Variants in XIRP2 observed in about 807,000 individuals in gnomAD.
XIRP2 encodes xin actin binding repeat containing 2.
Under a neutral mutation model 277.0 loss-of-function variants are expected in XIRP2, and 236 were observed. That is an observed-to-expected ratio of 0.85 (90% CI 0.77 to 0.95). XIRP2 has a LOEUF of 0.95. Among genes scored for constraint, XIRP2 ranks in the 40% least tolerant of loss-of-function variants. The pLI is 0.00. For synonymous variants in XIRP2, 1,490 were observed against 1,416.5 expected (o/e 1.05, Z -1.17); for missense variants, 4,640 against 4,157.5 (o/e 1.12, Z -3.19).
chr2:167,009,238 A>G (rs1479978845), intron 2 of XIRP2, among the ~76,000 whole-genome samples: 1 of 106,946 alleles, frequency 9.4e-6, no homozygotes, highest in South Asian at 3.3e-4. Flanking sequence ...AACAGTCCCC[A>G]GAGTGTGATG....
intron 1 of XIRP2, among the ~76,000 whole-genome samples, chr2:166,893,058 T>C (rs1236124166): frequency 6.6e-6 from 1 of 150,516 alleles, no homozygotes; most frequent in Non-Finnish European, 1.5e-5. Flanking sequence ...CTAGAGAGGG[T>C]TTGCGTGTGC....
chr2:167,008,316 G>A (rs1476801849), intron 2 of XIRP2, among the ~76,000 whole-genome samples: 1 of 151,324 alleles, frequency 6.6e-6, no homozygotes, highest in African/African-American at 2.4e-5. Context: ...TCTTCAATTG[G>A]TTTTTATATG....
At chr2:167,169,164 AG>A (rs1464379700) in intron 3 of XIRP2, among the ~76,000 whole-genome samples, 1 of 152,198 alleles carries the variant, frequency 6.6e-6, no homozygotes, top group African/African-American at 2.4e-5. Context: ...CTGGTTAAAT[AG>A]TTTCTCCTTG....
chr2:167,242,475 G>C, intron 8 of XIRP2, 94 bp from the exon 9 acceptor site: 1 of 1,289,592 alleles, frequency 7.8e-7, no homozygotes, highest in South Asian at 1.5e-5. Context: ...GATATCATAG[G>C]AGGGTCCAGG....
At position 167,246,449 on chromosome 2, in the gene XIRP2, A is replaced by G. The variant is rs1004658314; in HGVS notation, c.5057A>G (p.Asp1686Gly). The G allele has an allele frequency of 1.9e-5, 31 of 1,613,654 alleles. No individual in the cohort carries two copies. The highest frequency in any genetic ancestry group is 2.7e-5 in the African/African-American group (2 of 74,900). Residue 1686 changes from aspartate to glycine, a missense_variant, in exon 9 of 11, where the codon GAT (aspartate) becomes GGT (glycine). Coordinates refer to ENST00000409195, the MANE Select transcript of XIRP2 (RefSeq NM_152381.6). The stretch of plus-strand genomic sequence containing the variant: ...TTAATTCAGGAAGATGAAAAAGGAG[A>G]TATTAACATGACTATCTATTGTCTT... ...GILIQEDEKG[D>G]INMTIYCLLH...
intron 2 of XIRP2, among the ~76,000 whole-genome samples, chr2:167,002,392 T>G (rs1296281971): frequency 1.4e-5 from 2 of 138,428 alleles, no homozygotes; most frequent in African/African-American, 5.5e-5. Flanking sequence ...ATAATGTTTT[T>G]ATTTAAGTGT....
At position 167,249,348 on chromosome 2, in the gene XIRP2, A is replaced by C. The variant is rs561279600; in HGVS notation, c.7956A>C (p.Lys2652Asn). 122 of 1,613,688 alleles carry C rather than the reference A, an allele frequency of 7.6e-5. No individual in the cohort carries two copies. Among genetic ancestry groups the C allele is most frequent in the Non-Finnish European group, 1.0e-4 (118 of 1,179,816 alleles). ...LHHVLAASED[K>N]DKMKKEVLQS... Reference sequence around the variant, plus strand: ...ATGTTTTAGCAGCTTCAGAAGACAAAGATAAGATGAAAAAGGAAGTTTTAC... The same window carrying C: ...ATGTTTTAGCAGCTTCAGAAGACAACGATAAGATGAAAAAGGAAGTTTTAC... The change falls in exon 9 of 11, where the codon AAA becomes AAC. Residue 2652 changes from lysine (K) to asparagine (N), a missense_variant. By Grantham distance (94) the Lys-to-Asn change is moderately conservative (BLOSUM62 0). Coordinates refer to ENST00000409195, the MANE Select transcript of XIRP2 (RefSeq NM_152381.6).
chr2:167,009,711 T>C (rs535115487), intron 2 of XIRP2, among the ~76,000 whole-genome samples: 56 of 152,152 alleles, frequency 3.7e-4, no homozygotes, highest in African/African-American at 1.3e-3. Flanking sequence ...TTTCTCCACA[T>C]CCTCTCCAGC....
In XIRP2 at chr2:167,250,713, C is replaced by A. The variant is rs1695460635; in HGVS notation, c.9321C>A (p.Ser3107Arg). Reference protein sequence around the residue: ...KTHQEIKLDDSNIPPPSLKTR... With the variant: ...KTHQEIKLDDRNIPPPSLKTR... ...ATCAGGAAATTAAACTTGATGATAG[C>A]AACATTCCTCCTCCCTCTTTAAAAA... is the stretch of plus-strand genomic sequence containing the variant. Residue 3107 changes from serine (S) to arginine (R), a missense_variant, in exon 9 of 11, where the codon AGC becomes AGA. Transcript: ENST00000409195. 2 of 1,613,460 alleles carry A rather than the reference C, an allele frequency of 1.2e-6. No individual in the cohort carries two copies. The highest frequency in any genetic ancestry group is 2.7e-5 in the African/African-American group (2 of 74,830).
At chr2:167,228,163 C>A (rs1694659344) in intron 5 of XIRP2, among the ~76,000 whole-genome samples, 2 of 152,146 alleles carry the variant, frequency 1.3e-5, no homozygotes, top group Admixed American at 6.6e-5. Context: ...GTTCTACTAA[C>A]ATGAATCACA....
chr2:166,944,719 C>T (rs1685805941), intron 2 of XIRP2, among the ~76,000 whole-genome samples: 1 of 152,098 alleles, frequency 6.6e-6, no homozygotes. Context: ...TATGTTTTAA[C>T]TCATTTTATC....
At position 167,135,983 on chromosome 2, in the gene XIRP2, G is replaced by A; in HGVS notation, c.483G>A (p.Val161=). ...CTGGGAGCCAGCTGGAGGATTCTGT[G>A]AAAGATTCAGACAAGAAAGGCAAGG... The part of the protein sequence containing the change: ...SHPGSQLEDS[V]KDSDKKGKET... Residue 161 remains valine, a synonymous_variant, in exon 3 of 11, where the codon GTG becomes GTA. Transcript: ENST00000409195. 6.2e-7 allele frequency: 1 copy of A among 1,612,240 alleles called. No individual in the cohort carries two copies. Among genetic ancestry groups the A allele is most frequent in the South Asian group, 1.1e-5 (1 of 90,902 alleles).
intron 3 of XIRP2, among the ~76,000 whole-genome samples, chr2:167,155,525 G>A (rs1692167391): frequency 6.6e-6 from 1 of 152,066 alleles, no homozygotes; most frequent in Non-Finnish European, 1.5e-5. Flanking sequence ...ATGCATAAAA[G>A]GCCTTTGACA....
At chr2:167,188,487 T>G (rs1693228860) in intron 3 of XIRP2, among the ~76,000 whole-genome samples, 1 of 152,322 alleles carries the variant, frequency 6.6e-6, no homozygotes, top group Non-Finnish European at 1.5e-5. Context: ...TTTTAAAATT[T>G]TATGTACAGT....
intron 2 of XIRP2, among the ~76,000 whole-genome samples, chr2:166,914,116 C>T (rs1346078857): frequency 6.6e-6 from 1 of 152,102 alleles, no homozygotes; most frequent in South Asian, 2.1e-4. Flanking sequence ...CAGAGGAACA[C>T]AGGATGTCAG....
Position 167,248,528 on chromosome 2 carries a change from T to A in XIRP2, c.7136T>A (p.Leu2379His), listed in dbSNP as rs1695358996. ...ACTCCATCTCAAAAGCCAGCACATC[T>A]CCTTTCCTCCTCTGCTCCGGAAAAG... Reference protein sequence around the residue: ...PPTPSQKPAHLLSSSAPEKHS... With the variant: ...PPTPSQKPAHHLSSSAPEKHS... The change falls in exon 9 of 11, where the codon CTC becomes CAC. Residue 2379 changes from leucine (L) to histidine (H), a missense_variant. Physicochemically the swap from Leu to His is moderately conservative, Grantham distance 99. Coordinates refer to ENST00000409195, the MANE Select transcript of XIRP2 (RefSeq NM_152381.6). 1 of 1,613,548 alleles carries A rather than the reference T, an allele frequency of 6.2e-7. No homozygotes were observed. The highest frequency in any genetic ancestry group is 8.5e-7 in the Non-Finnish European group (1 of 1,179,808).
At chr2:167,145,221 T>A (rs1691829932) in intron 3 of XIRP2, among the ~76,000 whole-genome samples, 1 of 152,202 alleles carries the variant, frequency 6.6e-6, no homozygotes, top group Non-Finnish European at 1.5e-5. Flanking sequence ...TTCATTTCTA[T>A]ACTCTTGTTA....
intron 2 of XIRP2, among the ~76,000 whole-genome samples, chr2:166,912,922 A>G (rs531128772): frequency 3.8e-4 from 58 of 152,262 alleles, no homozygotes; most frequent in Admixed American, 2.7e-3. Flanking sequence ...AACAGTGAGT[A>G]TTGCTGAACA....
At chr2:167,239,229 T>A (rs1694985726) in intron 5 of XIRP2, among the ~76,000 whole-genome samples, 1 of 152,174 alleles carries the variant, frequency 6.6e-6, no homozygotes, top group African/African-American at 2.4e-5. Flanking sequence ...ATCTTTCTCA[T>A]ACTGGGTAAT....
Sources: gnomAD v4.1 joint callset for allele counts (sites outside exome capture counted in the v4.1 genomes callset) on GRCh38, gnomAD v4.1.1 for gene constraint, MANE v1.5 for transcripts, NCBI Gene and HGNC (gene_info 2026-07-23, HGNC 2026-07-21) for gene names.